Variants in ITGB3BP observed in about 807,000 individuals in gnomAD.
ITGB3BP encodes the protein centromere protein R.
A neutral mutation model predicts 29.1 loss-of-function variants in ITGB3BP; 27 were observed. The observed-to-expected ratio is 0.93, with a 90% CI of 0.68 to 1.28. The LOEUF (loss-of-function observed/expected upper bound fraction) is 1.28. ITGB3BP is among the 50% of genes most tolerant of loss of function. The pLI is 0.00. For missense variants in ITGB3BP, 192 were observed against 200.2 expected (o/e 0.96, Z 0.25); for synonymous variants, 61 against 61.4 (o/e 0.99, Z 0.03).
intron 4 of ITGB3BP, among the ~76,000 whole-genome samples, chr1:63,466,149 T>C (rs977661062): frequency 3.9e-5 from 6 of 152,352 alleles, no homozygotes; most frequent in South Asian, 4.1e-4. Flanking sequence ...CATGGAGCCA[T>C]GGCATTGATC....
intron 1 of ITGB3BP, among the ~76,000 whole-genome samples, chr1:63,520,192 T>TA: frequency 6.6e-6 from 1 of 151,550 alleles, no homozygotes; most frequent in African/African-American, 2.4e-5. Flanking sequence ...TAGAATGAAA[T>TA]CTTTCCAAAG....
chr1:63,507,317 C>T (rs1225246076), intron 2 of ITGB3BP, among the ~76,000 whole-genome samples: 2 of 152,156 alleles, frequency 1.3e-5, no homozygotes, highest in African/African-American at 2.4e-5. Context: ...TTTTCTAATA[C>T]AGGATGTCAG....
chr1:63,463,517 A>T (rs1485793213), intron 4 of ITGB3BP, among the ~76,000 whole-genome samples: 1 of 152,232 alleles, frequency 6.6e-6, no homozygotes, highest in Non-Finnish European at 1.5e-5. Flanking sequence ...AACAATACAC[A>T]TGATGTCTCT....
upstream of ITGB3BP, chr1:63,523,337 G>A (rs1043473913): frequency 1.8e-5 from 12 of 655,986 alleles, no homozygotes; most frequent in Non-Finnish European, 2.9e-5. Flanking sequence ...GGGAGTTCTA[G>A]GCCCAGGACA....
intron 2 of ITGB3BP, among the ~76,000 whole-genome samples, chr1:63,503,019 G>A (rs1645978356): frequency 6.6e-6 from 1 of 152,032 alleles, no homozygotes; most frequent in Admixed American, 6.6e-5. Flanking sequence ...AATCCTTTGG[G>A]GTATATACCC....
intron 1 of ITGB3BP, among the ~76,000 whole-genome samples, chr1:63,518,926 C>G (rs1417444910): frequency 2.6e-5 from 4 of 152,102 alleles, no homozygotes; most frequent in Non-Finnish European, 5.9e-5. Context: ...TAACATACCA[C>G]AGTCTATCTA....
intron 7 of ITGB3BP, among the ~76,000 whole-genome samples, chr1:63,450,135 AG>A (rs1644842335): frequency 6.6e-6 from 1 of 151,972 alleles, no homozygotes; most frequent in South Asian, 2.1e-4. Context: ...TAAAGAATAC[AG>A]GAACATTGTA....
At chr1:63,511,407 A>G (rs1646197002) in intron 1 of ITGB3BP, among the ~76,000 whole-genome samples, 1 of 152,164 alleles carries the variant, frequency 6.6e-6, no homozygotes, top group African/African-American at 2.4e-5. Context: ...AGAATTAAAA[A>G]TAGAATTACC....
At chr1:63,498,615 A>C (rs188543001) in intron 2 of ITGB3BP, among the ~76,000 whole-genome samples, 1 of 151,916 alleles carries the variant, frequency 6.6e-6, no homozygotes, top group Non-Finnish European at 1.5e-5. Flanking sequence ...GACAGCTCTC[A>C]TATCAATAAC....
At chr1:63,523,895 C>T (rs576363351), upstream of ITGB3BP, among the ~76,000 whole-genome samples, 196 of 152,122 alleles carry the variant, frequency 1.3e-3, no homozygotes, top group African/African-American at 4.5e-3. Context: ...CCTGTAGAAG[C>T]CTTAGGCGCT....
chr1:63,469,585 C>G (rs968588911), intron 4 of ITGB3BP, among the ~76,000 whole-genome samples: 2 of 152,170 alleles, frequency 1.3e-5, no homozygotes, highest in Non-Finnish European at 2.9e-5. Flanking sequence ...CTTGGCCTCC[C>G]AAAGTGTTGG....
rs147854874 is a variant in ITGB3BP at position 63,469,935 on chromosome 1, G to A, written c.254+8829C>T. Among the ~76,000 whole-genome samples the A allele has an allele frequency of 6.4e-3, 971 of 152,314 alleles. 12 individuals carry two copies. The highest frequency in any genetic ancestry group is 0.023 in the African/African-American group (938 of 41,568). On this transcript the variant is annotated intron_variant, in intron 4 of 8. Coordinates refer to ENST00000271002, the MANE Select transcript of ITGB3BP (RefSeq NM_014288.5). ...GTGGGTTTACCGGAATGAGGGCAAGGAACACCTGGCCCGCCCAGGGCAGAA... is the reference window on the plus strand; with the variant it reads ...GTGGGTTTACCGGAATGAGGGCAAGAAACACCTGGCCCGCCCAGGGCAGAA...
intron 3 of ITGB3BP, among the ~76,000 whole-genome samples, chr1:63,486,524 T>A (rs1645534365): frequency 6.6e-6 from 1 of 151,934 alleles, no homozygotes; most frequent in African/African-American, 2.4e-5. Context: ...ATTAAGAAAA[T>A]CATAAGGAAG....
At chr1:63,491,226 C>T (rs1165497355) in intron 2 of ITGB3BP, among the ~76,000 whole-genome samples, 1 of 152,156 alleles carries the variant, frequency 6.6e-6, no homozygotes, top group Non-Finnish European at 1.5e-5. Flanking sequence ...AACTTGCTTT[C>T]CATAAGCTTA....
chr1:63,510,892 T>C (rs1646186145), intron 1 of ITGB3BP, among the ~76,000 whole-genome samples: 2 of 152,140 alleles, frequency 1.3e-5, no homozygotes, highest in African/African-American at 4.8e-5. Flanking sequence ...ACTAAATTGA[T>C]TACTTTACTG....
chr1:63,462,680 A>T (rs531372942), intron 4 of ITGB3BP, among the ~76,000 whole-genome samples: 53 of 152,352 alleles, frequency 3.5e-4, no homozygotes, highest in African/African-American at 1.2e-3. Context: ...ATATAGGCTT[A>T]TATCTTCATC....
intron 3 of ITGB3BP, among the ~76,000 whole-genome samples, chr1:63,481,366 CTG>C (rs1416860553): frequency 6.6e-6 from 1 of 152,112 alleles, no homozygotes; most frequent in Admixed American, 6.5e-5. Flanking sequence ...AGTTACTAGA[CTG>C]TTGAGTAATA....
chr1:63,508,383 G>A (rs1388320806), intron 2 of ITGB3BP, 145 bp downstream of exon 2: 1 of 463,752 alleles, frequency 2.2e-6, no homozygotes, highest in Non-Finnish European at 3.9e-6. Flanking sequence ...CTTATATGCA[G>A]AAAATGGTGT....
chr1:63,505,092 G>T (rs562262061), intron 2 of ITGB3BP, among the ~76,000 whole-genome samples: 43 of 152,292 alleles, frequency 2.8e-4, no homozygotes, highest in African/African-American at 9.9e-4. Flanking sequence ...AATGGCACCA[G>T]CTCCTCCTTG....
Sources: allele counts gnomAD v4.1 joint callset (sites outside exome capture counted in the v4.1 genomes callset), GRCh38; gene constraint gnomAD v4.1.1; transcripts MANE v1.5; gene names NCBI Gene and HGNC (gene_info 2026-07-23, HGNC 2026-07-21).